Variants in PTPRC observed in about 807,000 individuals in gnomAD.
The protein encoded by PTPRC is protein tyrosine phosphatase receptor type C.
A neutral mutation model predicts 155.9 loss-of-function variants in PTPRC; 44 were observed. The ratio of observed to expected loss-of-function variants is 0.28; its 90% CI spans 0.22 to 0.36. The LOEUF (loss-of-function observed/expected upper bound fraction) is 0.36. PTPRC is among the 10% of genes least tolerant of loss of function. The probability of loss-of-function intolerance (pLI) is 1.00; values close to 1 mark genes in which losing one functional copy is unlikely to be tolerated. For synonymous variants in PTPRC, 525 were observed against 533.1 expected (o/e 0.98, Z 0.21); for missense variants, 1,401 against 1,564.6 (o/e 0.90, Z 1.76).
intron 2 of PTPRC, among the ~76,000 whole-genome samples, chr1:198,688,078 G>GGTGT (rs139116095): frequency 2.1e-4 from 31 of 148,560 alleles, no homozygotes; most frequent in South Asian, 1.9e-3. Flanking sequence ...TGGTGTGTGG[G>GGTGT]GTGTGTGTGT....
chr1:198,719,108 T>G (rs774355523), intron 14 of PTPRC, among the ~76,000 whole-genome samples: 1 of 152,176 alleles, frequency 6.6e-6, no homozygotes, highest in African/African-American at 2.4e-5. Flanking sequence ...AATGCATTTA[T>G]TGGGTCAAAA....
At chr1:198,716,568 ACT>A (rs1393527604) in intron 12 of PTPRC, 112 bp from the exon 13 acceptor site, 1 of 882,448 alleles carries the variant, frequency 1.1e-6, no homozygotes, top group African/African-American at 1.7e-5. Flanking sequence ...TTTTTCAATC[ACT>A]CAATAGTTTG....
At chr1:198,738,727 C>A (rs1425480592) in intron 23 of PTPRC, among the ~76,000 whole-genome samples, 2 of 151,542 alleles carry the variant, frequency 1.3e-5, no homozygotes, top group South Asian at 4.2e-4. Flanking sequence ...AGAATTGGTA[C>A]TAGTTCTTCT....
intron 2 of PTPRC, among the ~76,000 whole-genome samples, chr1:198,642,360 C>T (rs1393019807): frequency 7.2e-6 from 1 of 138,268 alleles, no homozygotes; most frequent in East Asian, 2.2e-4. Flanking sequence ...ACTAGTCAAT[C>T]TATCTATCTG....
At chr1:198,704,844 C>T (rs559957419) in intron 8 of PTPRC, among the ~76,000 whole-genome samples, 1 of 152,054 alleles carries the variant, frequency 6.6e-6, no homozygotes, top group East Asian at 1.9e-4. Context: ...GCACATATAA[C>T]CCTGGAATCC....
chr1:198,719,125 T>C (rs920482449), intron 14 of PTPRC, among the ~76,000 whole-genome samples: 24 of 152,300 alleles, frequency 1.6e-4, no homozygotes, highest in African/African-American at 5.5e-4. Context: ...AAAATGTATT[T>C]TGAGGCTTTT....
intron 31 of PTPRC, 69 bp from the exon 32 acceptor site, chr1:198,754,200 G>T (rs984555758): frequency 5.3e-6 from 8 of 1,502,212 alleles, no homozygotes; most frequent in Non-Finnish European, 6.4e-6. Context: ...CTCTCTTCCT[G>T]TTTTTATTCT....
chr1:198,680,986 C>G (rs148647329), intron 2 of PTPRC, among the ~76,000 whole-genome samples: 1 of 152,028 alleles, frequency 6.6e-6, no homozygotes, highest in Non-Finnish European at 1.5e-5. Flanking sequence ...CTTTATAAAA[C>G]AAGAATAATA....
At chr1:198,719,284 T>C (rs1653760781) in intron 14 of PTPRC, among the ~76,000 whole-genome samples, 1 of 152,138 alleles carries the variant, frequency 6.6e-6, no homozygotes, top group Non-Finnish European at 1.5e-5. Flanking sequence ...TTGATATCTT[T>C]CTTTTAATGA....
chr1:198,718,329 T>C (rs1653703617), intron 14 of PTPRC, 27 bp downstream of exon 14: 3 of 1,508,716 alleles, frequency 2.0e-6, no homozygotes, highest in Non-Finnish European at 2.8e-6. Context: ...TACATTACTA[T>C]AGTACCAACT....
chr1:198,742,100 G>C (rs765941757), intron 24 of PTPRC, 74 bp downstream of exon 24: 19 of 1,602,914 alleles, frequency 1.2e-5, no homozygotes, highest in Non-Finnish European at 1.6e-5. Flanking sequence ...AGGGCTGTTA[G>C]AGACATCTTT....
At chr1:198,641,248 A>G (rs896674353) in intron 2 of PTPRC, among the ~76,000 whole-genome samples, 3 of 152,074 alleles carry the variant, frequency 2.0e-5, no homozygotes, top group African/African-American at 7.2e-5. Context: ...TCAAGTTGCA[A>G]GAAACATTTT....
intron 17 of PTPRC, among the ~76,000 whole-genome samples, 188 bp from the exon 18 acceptor site, chr1:198,731,429 T>A (rs1486114410): frequency 1.3e-5 from 2 of 152,028 alleles, no homozygotes; most frequent in Admixed American, 1.3e-4. Flanking sequence ...AGAAGAGATC[T>A]GAAGTACAAG....
chr1:198,657,999 GT>G (rs1275613575), intron 2 of PTPRC, among the ~76,000 whole-genome samples: 1 of 152,130 alleles, frequency 6.6e-6, no homozygotes, highest in Non-Finnish European at 1.5e-5. Context: ...AACAGTACAG[GT>G]TTTTCACCTT....
chr1:198,661,893 C>T (rs1257272675), intron 2 of PTPRC, among the ~76,000 whole-genome samples: 2 of 152,132 alleles, frequency 1.3e-5, no homozygotes, highest in African/African-American at 4.8e-5. Context: ...GCTCCCTTCC[C>T]CACTACCTAC....
rs189843069 is a variant in PTPRC, at chr1:198,681,795, A to G, written c.74-10552A>G. ...GAAGTGCTTCTGAAATAAATCACAT[A>G]ATAAAACTAACCTTACTTTTGAAAT... On this transcript the variant is annotated intron_variant, in intron 2 of 32. Coordinates refer to ENST00000442510, the MANE Select transcript of PTPRC (RefSeq NM_002838.5). Among the ~76,000 whole-genome samples the G allele has an allele frequency of 5.9e-3, 902 of 152,366 alleles. 8 individuals are homozygous for G. The highest frequency in any genetic ancestry group is 9.6e-3 in the Non-Finnish European group (654 of 68,042).
At chr1:198,673,332 G>A (rs548453099) in intron 2 of PTPRC, among the ~76,000 whole-genome samples, 2 of 152,112 alleles carry the variant, frequency 1.3e-5, no homozygotes, top group South Asian at 4.1e-4. Flanking sequence ...ATTTTTCTCA[G>A]CTACTCACAA....
intron 27 of PTPRC, among the ~76,000 whole-genome samples, chr1:198,748,929 G>C (rs765331330): frequency 2.0e-5 from 3 of 151,566 alleles, no homozygotes; most frequent in Admixed American, 6.6e-5. Flanking sequence ...ATTTGACCAA[G>C]TTATTATAAA....
At chr1:198,743,890 G>A (rs1427154148) in intron 25 of PTPRC, among the ~76,000 whole-genome samples, 164 bp from the exon 26 acceptor site, 1 of 151,822 alleles carries the variant, frequency 6.6e-6, no homozygotes, top group Non-Finnish European at 1.5e-5. Flanking sequence ...AGAAAACTCT[G>A]AGAGTGAACT....
Sources: gnomAD v4.1 joint callset for allele counts (sites outside exome capture counted in the v4.1 genomes callset) on GRCh38, gnomAD v4.1.1 for gene constraint, MANE v1.5 for transcripts, NCBI Gene and HGNC (gene_info 2026-07-23, HGNC 2026-07-21) for gene names.